The following DPP3 variants were observed in gnomAD, a reference collection of about 807,000 sequenced individuals.
The protein encoded by DPP3 is dipeptidyl peptidase 3, also known as DPP III.
DPP3 carries 64 observed loss-of-function variants against 89.8 expected under a neutral mutation model. The ratio of observed to expected loss-of-function variants is 0.71; its 90% confidence interval spans 0.58 to 0.88. The LOEUF (loss-of-function observed/expected upper bound fraction) is 0.88. Ranked by LOEUF, DPP3 falls within the 40% of genes least tolerant of loss-of-function variation. The pLI, the probability that DPP3 is intolerant of heterozygous loss-of-function variation, is 0.00. For missense variants in DPP3, 835 were observed against 972.5 expected (o/e 0.86, Z 1.88); for synonymous variants, 377 against 404.3 (o/e 0.93, Z 0.81).
rs113208744 is a variant in DPP3, at chr11:66,485,238, C to T, written c.336C>T (p.Thr112=). ...NMGNYKSFGD[T]KFVPNLPKEK... is the part of the protein sequence containing the mutation. ...GCAACTACAAGTCCTTTGGTGACAC[C>T]AAGTTTGTTCCCAACTTGCCCAAGG... is the stretch of plus-strand genomic sequence containing the variant. Residue 112 remains threonine (T), a synonymous_variant, in exon 3 of 18, where the codon ACC becomes ACT. Coordinates refer to ENST00000531863, the MANE Select transcript of DPP3 (RefSeq NM_130443.4). 1.8e-4 allele frequency: 292 copies of T among 1,609,986 alleles called. No individual in the cohort carries two copies. In the African/African-American group the frequency reaches 3.4e-3, roughly 19 times the overall value.
At chr11:66,493,802 G>A (rs1308297409) in intron 12 of DPP3, among the ~76,000 whole-genome samples, 169 bp downstream of exon 12, 2 of 152,188 alleles carry the variant, frequency 1.3e-5, no homozygotes, top group East Asian at 3.9e-4. Flanking sequence ...CCCTCAAGAT[G>A]TCCCAGGAGC....
At chr11:66,488,571 A>G (rs544217237) in intron 6 of DPP3, among the ~76,000 whole-genome samples, 2 of 151,920 alleles carry the variant, frequency 1.3e-5, no homozygotes, top group Admixed American at 6.6e-5. Flanking sequence ...CAAGGAAAAA[A>G]AAAAAAAAAA....
intron 16 of DPP3, among the ~76,000 whole-genome samples, chr11:66,501,596 G>A (rs1414781195): frequency 5.9e-5 from 9 of 151,588 alleles, no homozygotes; most frequent in Non-Finnish European, 1.3e-4. Context: ...AGGCTGAGGC[G>A]GGAGGATCAC....
chr11:66,497,463 C>T lies in DPP3; in HGVS notation c.1864C>T (p.Leu622=). 4 of 1,613,488 alleles carry T rather than the reference C, an allele frequency of 2.5e-6. No homozygotes were observed. Among genetic ancestry groups the T allele is most frequent in the Non-Finnish European group, 2.5e-6 (3 of 1,179,742 alleles). The change falls in exon 16 of 18, where the codon CTG becomes TTG. Residue 622 remains leucine, a synonymous_variant. Transcript: ENST00000531863. ...GGGCAAGCCTGCTCTAGAGCGCTTC[C>T]TGCGGAGACTTCAGGTAAGCAAAGG... ...SVGKPALERF[L]RRLQVLKSTG...
intron 5 of DPP3, among the ~76,000 whole-genome samples, chr11:66,487,545 G>T (rs1190822766): frequency 2.0e-5 from 3 of 152,128 alleles, no homozygotes; most frequent in Non-Finnish European, 4.4e-5. Context: ...GGCCACAGGG[G>T]TGTGAGGCTC....
chr11:66,486,022 A>G (rs77253792), intron 3 of DPP3, among the ~76,000 whole-genome samples: 3,026 of 152,056 alleles, frequency 0.02, 86 homozygotes, highest in African/African-American at 0.069. Flanking sequence ...GCTCACTGCA[A>G]CCTCAACTTC....
chr11:66,494,039 C>A (rs1437990510), intron 12 of DPP3, among the ~76,000 whole-genome samples: 1 of 152,172 alleles, frequency 6.6e-6, no homozygotes, highest in Non-Finnish European at 1.5e-5. Flanking sequence ...CAGGGGGCAT[C>A]TCTGGGTGCT....
At chr11:66,506,304 G>C (rs936466147) in intron 17 of DPP3, among the ~76,000 whole-genome samples, 1 of 151,402 alleles carries the variant, frequency 6.6e-6, no homozygotes, top group African/African-American at 2.4e-5. Context: ...GCCCAGGCTG[G>C]AGTGCAGTGG....
chr11:66,500,301 C>T (rs1475545706), intron 16 of DPP3, among the ~76,000 whole-genome samples: 1 of 152,096 alleles, frequency 6.6e-6, no homozygotes. Flanking sequence ...TTGCAGTGAG[C>T]CAAGATCATG....
rs748889499 is a variant in DPP3 at position 66,482,325 on chromosome 11, G to A, written c.125G>A (p.Trp42Ter). 6.2e-7 allele frequency: 1 copy of A among 1,613,878 alleles called. No homozygotes were observed. The highest frequency in any genetic ancestry group is 8.5e-7 in the Non-Finnish European group (1 of 1,180,036). Residue 42 changes from tryptophan to a stop codon, truncating the protein, a stop_gained, in exon 2 of 18, where the codon TGG (tryptophan) becomes TAG (stop). Transcript: ENST00000531863. LOFTEE classifies it high-confidence loss of function. ...LYAYHLSRAA[W>*]YGGLAVLLQT... ...GCCTACCACCTGTCCCGTGCCGCCT[G>A]GTACGGAGGCCTGGCTGTGCTGCTT...
chr11:66,493,039 C>T, intron 10 of DPP3, 28 bp from the exon 11 acceptor site: 1 of 1,613,474 alleles, frequency 6.2e-7, no homozygotes, highest in Non-Finnish European at 8.5e-7. Context: ...CTCACCTCTT[C>T]TTTCTGGTCC....
rs1434345917 is a variant in DPP3 at position 66,487,316 on chromosome 11, T to C, written c.547T>C (p.Leu183=). ...SGNCTMEDAK[L]AQDFLDSQNL... ...GAATTGTACCATGGAAGATGCCAAA[T>C]TGGCCCAGGACTTTCTGGACTCACA... Residue 183 remains leucine (L), a synonymous_variant, in exon 5 of 18, where the codon TTG becomes CTG. Transcript: ENST00000531863. The C allele has an allele frequency of 6.2e-7, 1 of 1,613,994 alleles. No individual in the cohort carries two copies. The highest frequency in any genetic ancestry group is 8.5e-7 in the Non-Finnish European group (1 of 1,179,938).
At chr11:66,508,214 G>A (rs1189937237) in intron 17 of DPP3, among the ~76,000 whole-genome samples, 1 of 152,224 alleles carries the variant, frequency 6.6e-6, no homozygotes, top group Non-Finnish European at 1.5e-5. Flanking sequence ...AGCAGTTGAA[G>A]TGTGTTTGAG....
At position 66,509,369 on chromosome 11, in the gene DPP3, A is replaced by C. The variant is rs1013948933; in HGVS notation, c.*118A>C. The stretch of plus-strand genomic sequence containing the variant: ...GGGCAGGAGCTTGGACCTTGGTACT[A>C]CCTCAGCTGAGGGTGGTGACACAAC... On this transcript the variant is annotated 3_prime_UTR_variant, in exon 18 of 18. Coordinates refer to ENST00000531863, the MANE Select transcript of DPP3 (RefSeq NM_130443.4). 7 of 1,540,784 alleles carry C rather than the reference A, an allele frequency of 4.5e-6. No individual in the cohort carries two copies. Among genetic ancestry groups the C allele is most frequent in the Admixed American group, 3.9e-5 (2 of 50,928 alleles).
At chr11:66,494,474 G>A (rs1214612826) in intron 12 of DPP3, among the ~76,000 whole-genome samples, 1 of 152,198 alleles carries the variant, frequency 6.6e-6, no homozygotes, top group Non-Finnish European at 1.5e-5. Context: ...GTGTGGCCTT[G>A]GATAATTCAG....
intron 16 of DPP3, among the ~76,000 whole-genome samples, chr11:66,499,291 A>G (rs1855622002): frequency 6.6e-6 from 1 of 150,940 alleles, no homozygotes; most frequent in Admixed American, 6.6e-5. Flanking sequence ...TTAAACCTGA[A>G]GGCGGAGGTT....
At chr11:66,488,147 GCT>G in intron 6 of DPP3, 140 bp downstream of exon 6, 2 of 738,356 alleles carry the variant, frequency 2.7e-6, no homozygotes, top group Admixed American at 5.9e-5. Flanking sequence ...CCTGGGAATG[GCT>G]CTAGTTTCTC....
chr11:66,481,226 C>T (rs900953984), intron 1 of DPP3, among the ~76,000 whole-genome samples: 1 of 152,142 alleles, frequency 6.6e-6, no homozygotes, highest in Non-Finnish European at 1.5e-5. Flanking sequence ...CGGTGGCTCA[C>T]GCCTGTAATC....
At chr11:66,502,990 A>G (rs531340819) in intron 16 of DPP3, among the ~76,000 whole-genome samples, 25 of 152,080 alleles carry the variant, frequency 1.6e-4, no homozygotes, top group Admixed American at 4.6e-4. Context: ...TTTTTTTGAG[A>G]TGGAGTCTCA....
Sources: allele counts gnomAD v4.1 joint callset (sites outside exome capture counted in the v4.1 genomes callset), GRCh38; gene constraint gnomAD v4.1.1; transcripts MANE v1.5; gene names NCBI Gene and HGNC (gene_info 2026-07-23, HGNC 2026-07-21).